The following GNAQ variants were observed in gnomAD, a reference collection of about 807,000 sequenced individuals.
GNAQ encodes the protein G protein subunit alpha q.
Under a neutral mutation model 43.9 loss-of-function variants are expected in GNAQ, and 8 were observed. That is an observed-to-expected ratio of 0.18 (90% CI 0.11 to 0.33). GNAQ has a LOEUF of 0.33. Among genes scored for constraint, GNAQ ranks in the 10% least tolerant of loss-of-function variants. The pLI, the probability that GNAQ is intolerant of heterozygous loss-of-function variation, is 1.00. For synonymous variants in GNAQ, 155 were observed against 170.7 expected (o/e 0.91, Z 0.71); for missense variants, 158 against 450.8 (o/e 0.35, Z 5.88).
chr9:78,021,973 T>G (rs1418232685), intron 1 of GNAQ, among the ~76,000 whole-genome samples: 1 of 152,148 alleles, frequency 6.6e-6, no homozygotes, highest in South Asian at 2.1e-4. Flanking sequence ...CATGCTGATA[T>G]GACAGGAGGT....
intron 5 of GNAQ, among the ~76,000 whole-genome samples, chr9:77,738,658 T>G (rs2118251368): frequency 6.6e-6 from 1 of 152,292 alleles, no homozygotes; most frequent in South Asian, 2.1e-4. Flanking sequence ...GTTGTCTCAC[T>G]CAGAAGCCAC....
intron 2 of GNAQ, among the ~76,000 whole-genome samples, chr9:77,900,750 T>A (rs1320244065): frequency 6.6e-6 from 1 of 152,088 alleles, no homozygotes; most frequent in Non-Finnish European, 1.5e-5. Flanking sequence ...CATTCTCCAC[T>A]TACTTACCCT....
chr9:77,974,922 G>T (rs1330408569), intron 1 of GNAQ, among the ~76,000 whole-genome samples: 1 of 152,186 alleles, frequency 6.6e-6, no homozygotes, highest in Non-Finnish European at 1.5e-5. Context: ...TGTTTGGAAT[G>T]ATTCAAACTA....
intron 2 of GNAQ, among the ~76,000 whole-genome samples, chr9:77,853,681 C>T (rs1458611816): frequency 6.8e-6 from 1 of 146,868 alleles, no homozygotes; most frequent in Non-Finnish European, 1.5e-5. Context: ...GTCACAGATA[C>T]AGCCATGCTG....
intron 6 of GNAQ, among the ~76,000 whole-genome samples, chr9:77,724,404 C>A (rs1825365680): frequency 6.6e-6 from 1 of 152,124 alleles, no homozygotes; most frequent in Non-Finnish European, 1.5e-5. Flanking sequence ...GCCATGTTGA[C>A]CAGGCTGGTC....
chr9:77,744,548 A>G (rs985200921), intron 5 of GNAQ, among the ~76,000 whole-genome samples: 19 of 152,348 alleles, frequency 1.2e-4, no homozygotes, highest in South Asian at 6.2e-4. Flanking sequence ...GCTTAATCCA[A>G]TGCATTCTGA....
chr9:77,884,361 G>A (rs978953697), intron 2 of GNAQ, among the ~76,000 whole-genome samples: 1 of 152,170 alleles, frequency 6.6e-6, no homozygotes, highest in African/African-American at 2.4e-5. Context: ...CATTTTGCCT[G>A]ACTTCTCTGT....
At chr9:77,862,965 G>C (rs558385812) in intron 2 of GNAQ, among the ~76,000 whole-genome samples, 1 of 152,168 alleles carries the variant, frequency 6.6e-6, no homozygotes, top group East Asian at 1.9e-4. Flanking sequence ...GATCACCTGA[G>C]GTCAGGAGTT....
intron 2 of GNAQ, among the ~76,000 whole-genome samples, chr9:77,883,753 G>A (rs1828256291): frequency 6.6e-6 from 1 of 152,008 alleles, no homozygotes; most frequent in Non-Finnish European, 1.5e-5. Context: ...AGAGTTTTTG[G>A]TCTCTAGGAA....
Position 77,998,839 on chromosome 9 carries a change from C to T in GNAQ, c.136+32261G>A, listed in dbSNP as rs569832157. Reference sequence around the variant, plus strand: ...CGGTGGCTCAAACCTATAATCCCAGCACTTTAGAAGGCCAAGGCGGGCAGA... The same window carrying T: ...CGGTGGCTCAAACCTATAATCCCAGTACTTTAGAAGGCCAAGGCGGGCAGA... On this transcript the variant is annotated intron_variant, in intron 1 of 6. Coordinates refer to ENST00000286548, the MANE Select transcript of GNAQ (RefSeq NM_002072.5). Among the ~76,000 whole-genome samples the T allele has an allele frequency of 2.9e-3, 442 of 152,140 alleles. 4 individuals are homozygous for T. The highest frequency in any genetic ancestry group is 0.01 in the African/African-American group (423 of 41,498).
At chr9:77,876,386 T>G (rs897699841) in intron 2 of GNAQ, among the ~76,000 whole-genome samples, 1 of 152,236 alleles carries the variant, frequency 6.6e-6, no homozygotes, top group African/African-American at 2.4e-5. Flanking sequence ...TTAGGCAAGC[T>G]GCTTAATCAC....
chr9:77,854,715 T>G (rs1262310575), intron 2 of GNAQ, among the ~76,000 whole-genome samples: 1 of 152,166 alleles, frequency 6.6e-6, no homozygotes, highest in African/African-American at 2.4e-5. Context: ...AACCACAAAG[T>G]TCAAACTCTG....
At chr9:77,778,269 T>C (rs1826336513) in intron 5 of GNAQ, among the ~76,000 whole-genome samples, 1 of 151,348 alleles carries the variant, frequency 6.6e-6, no homozygotes, top group Non-Finnish European at 1.5e-5. Context: ...GGGAAATGAA[T>C]GACAGTAATA....
At chr9:77,936,118 C>G (rs1829228182) in intron 1 of GNAQ, among the ~76,000 whole-genome samples, 1 of 152,154 alleles carries the variant, frequency 6.6e-6, no homozygotes, top group Admixed American at 6.5e-5. Flanking sequence ...GTAAAGCCTG[C>G]ACATATGATG....
At chr9:77,954,929 A>G (rs1042669784) in intron 1 of GNAQ, among the ~76,000 whole-genome samples, 13 of 152,172 alleles carry the variant, frequency 8.5e-5, no homozygotes, top group African/African-American at 3.1e-4. Flanking sequence ...TCTGGGTAAC[A>G]TGTTCAATTT....
At chr9:78,004,786 G>A (rs1222785409) in intron 1 of GNAQ, among the ~76,000 whole-genome samples, 3 of 152,010 alleles carry the variant, frequency 2.0e-5, no homozygotes, top group African/African-American at 7.2e-5. Context: ...TTTGAAACAC[G>A]GTAGGATTTG....
intron 3 of GNAQ, among the ~76,000 whole-genome samples, chr9:77,813,226 T>C (rs571504047): frequency 3.3e-5 from 5 of 152,274 alleles, no homozygotes; most frequent in African/African-American, 7.2e-5. Flanking sequence ...CCCACATATA[T>C]ATAATTTAGA....
At chr9:77,820,196 C>T (rs1827091483) in intron 2 of GNAQ, among the ~76,000 whole-genome samples, 1 of 151,490 alleles carries the variant, frequency 6.6e-6, no homozygotes, top group Non-Finnish European at 1.5e-5. Context: ...TAAATTTGCT[C>T]AAATGTGAAA....
At chr9:77,756,176 G>A (rs1825900468) in intron 5 of GNAQ, among the ~76,000 whole-genome samples, 2 of 152,200 alleles carry the variant, frequency 1.3e-5, no homozygotes, top group Admixed American at 1.3e-4. Flanking sequence ...CAGCTTGCAG[G>A]TGGCCTACTG....
Sources: allele counts gnomAD v4.1 joint callset (sites outside exome capture counted in the v4.1 genomes callset), GRCh38; gene constraint gnomAD v4.1.1; transcripts MANE v1.5; gene names NCBI Gene and HGNC (gene_info 2026-07-23, HGNC 2026-07-21).